TENM1: variants seen among roughly 807,000 people sequenced by gnomAD.
TENM1 encodes the protein teneurin transmembrane protein 1, also known as teneurin-1.
Under a neutral mutation model 174.8 loss-of-function variants are expected in TENM1, and 35 were observed. That is an observed-to-expected ratio of 0.20 (90% confidence interval 0.15 to 0.27). The LOEUF (loss-of-function observed/expected upper bound fraction) is 0.27, where lower values mean the gene tolerates loss of function less well. Among genes scored for constraint, TENM1 ranks in the 10% least tolerant of loss-of-function variants. The probability of loss-of-function intolerance (pLI) is 1.00; values close to 1 mark genes in which losing one functional copy is unlikely to be tolerated. For synonymous variants in TENM1, 781 were observed against 798.7 expected (o/e 0.98, Z 0.37); for missense variants, 1,633 against 2,130.1 (o/e 0.77, Z 4.59).
Position 124,919,880 on chromosome X carries a change from A to C in TENM1, c.218-23639T>G, listed in dbSNP as rs753170457. ...ACTTGGCATCAGAGAACTGGGTTTG[A>C]ATCCTGGCTCTATAAATGTAGCAAT... is the stretch of plus-strand genomic sequence containing the variant. On this transcript the variant is annotated intron_variant, in intron 1 of 31. Transcript: ENST00000422452. Among the ~76,000 whole-genome samples, 4 of 111,173 alleles carry C rather than the reference A, an allele frequency of 3.6e-5. No individual in the cohort carries two copies. The Admixed American group carries it at 3.8e-4, about 11-fold the overall frequency.
At chrX:124,587,255 A>T (rs2049554400) in intron 11 of TENM1, among the ~76,000 whole-genome samples, 1 of 110,836 alleles carries the variant, frequency 9.0e-6, no homozygotes, top group African/African-American at 3.3e-5. Flanking sequence ...AAATGAACAA[A>T]GCTGGAGGCA....
At chrX:124,588,830 G>T (rs2049637219) in intron 11 of TENM1, among the ~76,000 whole-genome samples, 1 of 111,814 alleles carries the variant, frequency 8.9e-6, no homozygotes, top group Admixed American at 9.5e-5. Flanking sequence ...GGTATAGAAT[G>T]ATAACATCCA....
intron 11 of TENM1, among the ~76,000 whole-genome samples, chrX:124,576,890 T>C (rs1010015529): frequency 9.0e-6 from 1 of 111,625 alleles, no homozygotes; most frequent in Non-Finnish European, 1.9e-5. Context: ...ACATCTAAAT[T>C]ACCTACATGG....
chrX:124,926,364 A>G (rs745971193), intron 1 of TENM1, among the ~76,000 whole-genome samples: 2 of 112,157 alleles, frequency 1.8e-5, no homozygotes, highest in Non-Finnish European at 3.8e-5. Flanking sequence ...AGATTTATAA[A>G]TAAAAGTAAC....
At chrX:124,640,735 C>T (rs1016423526) in intron 11 of TENM1, among the ~76,000 whole-genome samples, 10 of 110,459 alleles carry the variant, frequency 9.1e-5, no homozygotes, top group East Asian at 2.8e-4. Context: ...CCAAGGCAGG[C>T]GGATCACGAG....
intron 11 of TENM1, among the ~76,000 whole-genome samples, chrX:124,610,461 G>T (rs962327614): frequency 5.4e-5 from 6 of 111,912 alleles, no homozygotes; most frequent in Non-Finnish European, 7.5e-5. Flanking sequence ...GAAAAGCTAT[G>T]AATTCTACCT....
At chrX:124,640,931 A>C (rs2051000557) in intron 11 of TENM1, among the ~76,000 whole-genome samples, 1 of 90,121 alleles carries the variant, frequency 1.1e-5, no homozygotes, top group Non-Finnish European at 2.0e-5. Context: ...ACTGCACTCC[A>C]GCCTGGGCGA....
At chrX:124,555,413 C>T (rs994632684) in intron 14 of TENM1, among the ~76,000 whole-genome samples, 3 of 111,718 alleles carry the variant, frequency 2.7e-5, no homozygotes, top group African/African-American at 9.8e-5. Context: ...AAATATATAG[C>T]TATGAGGGAT....
intron 3 of TENM1, among the ~76,000 whole-genome samples, chrX:124,760,531 AC>A (rs1394611648): frequency 8.9e-6 from 1 of 112,030 alleles, no homozygotes; most frequent in Non-Finnish European, 1.9e-5. Flanking sequence ...TACACTTTAT[AC>A]AAAAATTAAT....
chrX:124,485,423 A>G (rs1246512903), intron 21 of TENM1, among the ~76,000 whole-genome samples: 1 of 111,392 alleles, frequency 9.0e-6, no homozygotes, highest in Non-Finnish European at 1.9e-5. Flanking sequence ...AATTCTTTAC[A>G]TATATAGTTA....
intron 4 of TENM1, among the ~76,000 whole-genome samples, chrX:124,726,492 G>T (rs1006608733): frequency 4.0e-4 from 45 of 112,278 alleles, no homozygotes; most frequent in African/African-American, 1.4e-3. Flanking sequence ...GAAAAGCTTG[G>T]TTGAGCTTGG....
At chrX:124,738,543 T>C (rs2053730084) in intron 3 of TENM1, among the ~76,000 whole-genome samples, 1 of 111,854 alleles carries the variant, frequency 8.9e-6, no homozygotes, top group Non-Finnish European at 1.9e-5. Flanking sequence ...GGAGTGGTGA[T>C]CATTCATTTT....
the TENM1 span, among the ~76,000 whole-genome samples, chrX:124,969,987 TCTC>T: frequency 8.9e-6 from 1 of 111,846 alleles, no homozygotes; most frequent in Non-Finnish European, 1.9e-5. Flanking sequence ...TATCATTCCT[TCTC>T]CTCTTCCCTT....
At chrX:124,794,239 C>T (rs1042398235) in intron 3 of TENM1, among the ~76,000 whole-genome samples, 10 of 111,550 alleles carry the variant, frequency 9.0e-5, no homozygotes, top group African/African-American at 3.3e-4. Flanking sequence ...TCCTCCCAGT[C>T]AGTAGCAGGC....
intron 20 of TENM1, among the ~76,000 whole-genome samples, chrX:124,492,629 A>G (rs2047095808): frequency 9.0e-6 from 1 of 111,005 alleles, no homozygotes; most frequent in Non-Finnish European, 1.9e-5. Flanking sequence ...ACAGTTAGGG[A>G]GTTACCTGTC....
chrX:125,109,182 CACTT>C, the TENM1 span, among the ~76,000 whole-genome samples: 3 of 107,297 alleles, frequency 2.8e-5, no homozygotes, highest in Non-Finnish European at 5.6e-5. Context: ...ATGACGCACA[CACTT>C]ACACACACAG....
the TENM1 span, among the ~76,000 whole-genome samples, chrX:125,060,612 C>T: frequency 9.1e-6 from 1 of 110,197 alleles, no homozygotes; most frequent in Non-Finnish European, 1.9e-5. Flanking sequence ...TTATATGGTT[C>T]CTGGAGGCTA....
chrX:124,470,213 A>G (rs996078274), intron 22 of TENM1, among the ~76,000 whole-genome samples: 1 of 112,320 alleles, frequency 8.9e-6, no homozygotes, highest in Non-Finnish European at 1.9e-5. Context: ...AGCAACAAGT[A>G]TATCAAGAGG....
chrX:124,771,728 G>A (rs2054658359), intron 3 of TENM1, among the ~76,000 whole-genome samples: 1 of 111,883 alleles, frequency 8.9e-6, no homozygotes, highest in Non-Finnish European at 1.9e-5. Flanking sequence ...TGAACAGCTC[G>A]ATTTGGAATT....
Sources: allele counts gnomAD v4.1 joint callset (sites outside exome capture counted in the v4.1 genomes callset), GRCh38; gene constraint gnomAD v4.1.1; transcripts MANE v1.5; gene names NCBI Gene and HGNC (gene_info 2026-07-23, HGNC 2026-07-21).